The following EBF2 variants were observed in gnomAD, a reference collection of about 807,000 sequenced individuals.
The protein encoded by EBF2 is EBF transcription factor 2.
In EBF2, 21 loss-of-function variants were observed where a neutral mutation model predicts 72.8. The observed-to-expected ratio is 0.29, with a 90% CI of 0.20 to 0.42. EBF2 has a LOEUF of 0.42. Among genes scored for constraint, EBF2 ranks in the 10% least tolerant of loss-of-function variants. The pLI, the probability that EBF2 is intolerant of heterozygous loss-of-function variation, is 1.00. For synonymous variants in EBF2, 299 were observed against 274.2 expected, an observed-to-expected ratio of 1.09 and a Z score of -0.89; for missense variants, 637 against 731.2, an observed-to-expected ratio of 0.87 and a Z score of 1.49.
intron 6 of EBF2, among the ~76,000 whole-genome samples, chr8:26,014,005 T>C (rs1025295664): frequency 1.1e-4 from 16 of 152,292 alleles, no homozygotes; most frequent in African/African-American, 3.8e-4. Flanking sequence ...TCCAAAGCCC[T>C]CGTCTGTTTC....
At chr8:26,023,120 G>T (rs1805231316) in intron 6 of EBF2, among the ~76,000 whole-genome samples, 1 of 152,016 alleles carries the variant, frequency 6.6e-6, no homozygotes, top group African/African-American at 2.4e-5. Context: ...TCAAAAATGG[G>T]CCCAAAGAAC....
intron 10 of EBF2, among the ~76,000 whole-genome samples, chr8:25,869,585 G>C (rs149816238): frequency 2.0e-5 from 3 of 152,056 alleles, no homozygotes; most frequent in African/African-American, 7.2e-5. Flanking sequence ...GGTGGGGGCC[G>C]ATTAAACACT....
chr8:25,964,467 A>T (rs1322164160), intron 6 of EBF2, among the ~76,000 whole-genome samples: 1 of 152,280 alleles, frequency 6.6e-6, no homozygotes, highest in African/African-American at 2.4e-5. Flanking sequence ...ACATTTAATT[A>T]AAAAAAGAAT....
chr8:25,999,341 T>C (rs184385772), intron 6 of EBF2, among the ~76,000 whole-genome samples: 2 of 152,290 alleles, frequency 1.3e-5, no homozygotes, highest in African/African-American at 4.8e-5. Context: ...AAGATATAAA[T>C]AAATATTATT....
intron 6 of EBF2, among the ~76,000 whole-genome samples, chr8:25,933,546 A>G (rs1803518315): frequency 6.6e-6 from 1 of 152,164 alleles, no homozygotes; most frequent in Non-Finnish European, 1.5e-5. Context: ...TTAAAAATGC[A>G]TACAGCCTTT....
chr8:25,937,858 T>C (rs753717591), intron 6 of EBF2, among the ~76,000 whole-genome samples: 2 of 152,102 alleles, frequency 1.3e-5, no homozygotes, highest in Non-Finnish European at 2.9e-5. Context: ...GTGAAAAAGC[T>C]TAGAAGAGAC....
At chr8:25,983,367 G>A (rs1445097538) in intron 6 of EBF2, among the ~76,000 whole-genome samples, 1 of 152,184 alleles carries the variant, frequency 6.6e-6, no homozygotes, top group African/African-American at 2.4e-5. Flanking sequence ...CGAAAGTAAT[G>A]ATGCAAAAGG....
At position 25,890,132 on chromosome 8, in the gene EBF2, C is replaced by G. The variant is rs536123258; in HGVS notation, c.634-263G>C. Among the ~76,000 whole-genome samples, 191 of 152,200 alleles carry G rather than the reference C, an allele frequency of 1.3e-3. 5 individuals are homozygous for G. The highest frequency in any genetic ancestry group is 3.8e-4 in the Non-Finnish European group (26 of 68,046). On this transcript the variant is annotated intron_variant, in intron 7 of 15. Transcript: ENST00000520164. ...TGAAGTGGAGAAAATGACCATCTGCCTGCTGGTTCCAGAAACCTGGTTCTC... is the reference window on the plus strand; with the variant it reads ...TGAAGTGGAGAAAATGACCATCTGCGTGCTGGTTCCAGAAACCTGGTTCTC...
chr8:26,010,767 C>A (rs1222539189), intron 6 of EBF2, among the ~76,000 whole-genome samples: 2 of 152,168 alleles, frequency 1.3e-5, no homozygotes, highest in Admixed American at 6.5e-5. Flanking sequence ...GAGGGCACCG[C>A]GCTGAGGGGA....
At chr8:25,858,655 T>A in intron 13 of EBF2, 151 bp from the exon 14 acceptor site, 1 of 363,484 alleles carries the variant, frequency 2.8e-6, no homozygotes, top group Non-Finnish European at 4.6e-6. Context: ...CTTTAGCTTT[T>A]TTTTTTTTTT....
intron 6 of EBF2, among the ~76,000 whole-genome samples, chr8:25,940,841 G>A (rs928576757): frequency 6.6e-6 from 1 of 152,034 alleles, no homozygotes; most frequent in African/African-American, 2.4e-5. Context: ...GAAGGCATGT[G>A]GAATATGTAT....
intron 6 of EBF2, among the ~76,000 whole-genome samples, chr8:25,957,775 A>C (rs1310731551): frequency 6.6e-6 from 1 of 152,206 alleles, no homozygotes; most frequent in Non-Finnish European, 1.5e-5. Context: ...TTGAGATGAA[A>C]GGATCACTTG....
intron 6 of EBF2, among the ~76,000 whole-genome samples, chr8:25,947,725 G>A (rs911758607): frequency 6.6e-6 from 1 of 152,206 alleles, no homozygotes; most frequent in Non-Finnish European, 1.5e-5. Context: ...AGGAGAATAT[G>A]TTCCTTCCCC....
chr8:26,016,155 A>C (rs1196008058), intron 6 of EBF2, among the ~76,000 whole-genome samples: 1 of 152,204 alleles, frequency 6.6e-6, no homozygotes, highest in Non-Finnish European at 1.5e-5. Flanking sequence ...GAGGTAACAC[A>C]GTCTTACTCT....
chr8:25,868,543 C>T lies in EBF2; in HGVS notation c.1010-5746G>A, dbSNP rs371106667. 9.8e-5 allele frequency among the ~76,000 whole-genome samples: 15 copies of T among 152,308 alleles called. No individual in the cohort carries two copies. The East Asian group carries it at 1.5e-3, about 16-fold the overall frequency. Reference sequence around the variant, plus strand: ...GCCACCCAGGCTGGAGTGCAGTGCACGATCACAGCTCACTGCAACCTCCAC... The same window carrying T: ...GCCACCCAGGCTGGAGTGCAGTGCATGATCACAGCTCACTGCAACCTCCAC... On this transcript the variant is annotated intron_variant, in intron 10 of 15. Transcript: ENST00000520164.
intron 6 of EBF2, among the ~76,000 whole-genome samples, chr8:26,018,005 A>G (rs1444732257): frequency 6.6e-6 from 1 of 152,186 alleles, no homozygotes; most frequent in East Asian, 1.9e-4. Context: ...TTTGTTAACG[A>G]TAAGGCAATT....
At chr8:26,010,256 T>C (rs1209434111) in intron 6 of EBF2, among the ~76,000 whole-genome samples, 1 of 152,210 alleles carries the variant, frequency 6.6e-6, no homozygotes, top group Non-Finnish European at 1.5e-5. Flanking sequence ...TCTGCTGTTA[T>C]TGGTCTAATG....
At chr8:25,916,325 A>AAAC (rs1803215352) in intron 6 of EBF2, among the ~76,000 whole-genome samples, 1 of 151,930 alleles carries the variant, frequency 6.6e-6, no homozygotes. Flanking sequence ...AAAAAACAAA[A>AAAC]AACAACAACA....
intron 15 of EBF2, among the ~76,000 whole-genome samples, chr8:25,848,417 CT>C (rs1801885525): frequency 6.6e-6 from 1 of 151,958 alleles, no homozygotes; most frequent in South Asian, 2.1e-4. Context: ...TCTGCTGCAG[CT>C]GCCCTCACAG....
Sources: allele counts gnomAD v4.1 joint callset (sites outside exome capture counted in the v4.1 genomes callset), GRCh38; gene constraint gnomAD v4.1.1; transcripts MANE v1.5; gene names NCBI Gene and HGNC (gene_info 2026-07-23, HGNC 2026-07-21).